DUS4L: variants seen among roughly 807,000 people sequenced by gnomAD.
DUS4L encodes tRNA-dihydrouridine(20a/20b) synthase [NAD(P)+]-like.
In DUS4L, 31 loss-of-function variants were observed where a neutral mutation model predicts 33.8. That is an observed-to-expected ratio of 0.92 (90% CI 0.69 to 1.24). The LOEUF (loss-of-function observed/expected upper bound fraction) is 1.24. DUS4L is among the 50% of genes most tolerant of loss of function. DUS4L has a pLI of 0.00. For missense variants in DUS4L, 368 were observed against 388.6 expected (o/e 0.95, Z 0.45); for synonymous variants, 103 against 120.3 (o/e 0.86, Z 0.94).
rs1263232445 is a variant in DUS4L at position 107,573,736 on chromosome 7, A to G, written c.271A>G (p.Asn91Asp). 6 of 1,610,374 alleles carry G rather than the reference A, an allele frequency of 3.7e-6. No individual in the cohort carries two copies. Among genetic ancestry groups the G allele is most frequent in the Non-Finnish European group, 5.1e-6 (6 of 1,178,576 alleles). ...CCCATTGATTGTTCAGTTTGCTGCT[A>G]ACGATGCAAGACTTTTATCTGATGC... ...DCPLIVQFAA[N>D]DARLLSDAAR... Residue 91 changes from asparagine (N) to aspartate (D), a missense_variant, in exon 5 of 8, where the codon AAC becomes GAC. Transcript: ENST00000265720.
Position 107,571,226 on chromosome 7 carries a change from A to T in DUS4L, c.198A>T (p.Lys66Asn), listed in dbSNP as rs1408954622. 1.2e-6 allele frequency: 2 copies of T among 1,612,454 alleles called. No homozygotes were observed. Among genetic ancestry groups the T allele is most frequent in the South Asian group, 2.2e-5 (2 of 90,586 alleles). ...TPMIVAADFV[K>N]SIKARDSEFT... The stretch of plus-strand genomic sequence containing the variant: ...TGATTGTTGCCGCTGATTTTGTCAA[A>T]TCTATAAAAGCCAGAGACAGCGAAT... Residue 66 changes from lysine (K) to asparagine (N), a missense_variant, in exon 4 of 8, where the codon AAA becomes AAT. Transcript: ENST00000265720.
chr7:107,577,610 C>T lies in DUS4L; in HGVS notation c.*50C>T. On this transcript the variant is annotated 3_prime_UTR_variant, in exon 8 of 8. Coordinates refer to ENST00000265720, the MANE Select transcript of DUS4L (RefSeq NM_181581.3). Reference sequence around the variant, plus strand: ...ATATACTTTTAGACCCACAGTGAAACCACAGAAGGTCATATTTTGTACCTT... The same window carrying T: ...ATATACTTTTAGACCCACAGTGAAATCACAGAAGGTCATATTTTGTACCTT... 5.1e-6 allele frequency: 8 copies of T among 1,554,746 alleles called. No homozygotes were observed. The highest frequency in any genetic ancestry group is 7.0e-6 in the Non-Finnish European group (8 of 1,147,486).
Position 107,567,242 on chromosome 7 carries a change from A to G in DUS4L, c.116+56A>G, listed in dbSNP as rs528209740. ...GATGAAATTTCCCTTTTATGCTCTG[A>G]CTTTTTAAAAGTACTGTAAGACCAC... is the stretch of plus-strand genomic sequence containing the variant. On this transcript the variant is annotated intron_variant, in intron 3 of 7. Transcript: ENST00000265720. 1.8e-5 allele frequency: 27 copies of G among 1,508,456 alleles called. No homozygotes were observed. In the East Asian group the frequency reaches 5.6e-4, roughly 31 times the overall value. 93.4% of individuals were successfully genotyped at this position (1,508,456 alleles called of 1,614,324 possible).
At chr7:107,565,388 A>G (rs1804551057) in intron 2 of DUS4L, among the ~76,000 whole-genome samples, 1 of 152,166 alleles carries the variant, frequency 6.6e-6, no homozygotes, top group Non-Finnish European at 1.5e-5. Context: ...TCACCTGAAG[A>G]GCTTTAATAA....
chr7:107,569,800 G>GT (rs1386260918), intron 3 of DUS4L, among the ~76,000 whole-genome samples: 1 of 152,148 alleles, frequency 6.6e-6, no homozygotes, highest in Non-Finnish European at 1.5e-5. Context: ...GTTGGTTCTA[G>GT]TTTTTTTGTA....
chr7:107,573,785 C>A lies in DUS4L; in HGVS notation c.320C>A (p.Ala107Glu), dbSNP rs1265457846. The A allele has an allele frequency of 1.9e-6, 3 of 1,599,568 alleles. No homozygotes were observed. The highest frequency in any genetic ancestry group is 1.3e-5 in the African/African-American group (1 of 74,222). The change falls in exon 5 of 8, where the codon GCG becomes GAG. Residue 107 changes from alanine to glutamate, a missense_variant. Physicochemically the swap from Ala to Glu is moderately radical, Grantham distance 107. Transcript: ENST00000265720. Reference sequence around the variant, plus strand: ...GCTGCTCGTATAGTCTGTCCTTATGCGAATGGAATAGACATTAACTGTGGT... The same window carrying A: ...GCTGCTCGTATAGTCTGTCCTTATGAGAATGGAATAGACATTAACTGTGGT... ...SDAARIVCPY[A>E]NGIDINCGCP...
At position 107,577,336 on chromosome 7, in the gene DUS4L, T is replaced by A; in HGVS notation, c.730T>A (p.Leu244Ile). 6.2e-7 allele frequency: 1 copy of A among 1,614,144 alleles called. No individual in the cohort carries two copies. Among genetic ancestry groups the A allele is most frequent in the South Asian group, 1.1e-5 (1 of 91,082 alleles). ...TDGVMVARGL[L>I]ANPAMFAGYE... is the part of the protein sequence containing the mutation. ...AGGTGTGATGGTTGCAAGAGGACTC[T>A]TAGCAAACCCGGCCATGTTTGCTGG... The change falls in exon 8 of 8, where the codon TTA (leucine) becomes ATA (isoleucine). Residue 244 changes from leucine to isoleucine, a missense_variant. Coordinates refer to ENST00000265720, the MANE Select transcript of DUS4L (RefSeq NM_181581.3).
intron 2 of DUS4L, among the ~76,000 whole-genome samples, 185 bp downstream of exon 2, chr7:107,564,861 C>G (rs547169457): frequency 6.6e-6 from 1 of 152,310 alleles, no homozygotes; most frequent in South Asian, 2.1e-4. Flanking sequence ...GGTATGTATC[C>G]AGGAAACCAA....
At chr7:107,576,631 G>A (rs781096188) in intron 7 of DUS4L, 39 bp downstream of exon 7, 2 of 1,349,806 alleles carry the variant, frequency 1.5e-6, no homozygotes, top group Non-Finnish European at 2.0e-6. Flanking sequence ...ATTGGGGGGG[G>A]AAGAAATGAG....
intron 6 of DUS4L, 182 bp downstream of exon 6, chr7:107,575,492 T>TAGTATAG: frequency 3.5e-6 from 2 of 570,278 alleles, no homozygotes; most frequent in Non-Finnish European, 5.3e-6. Context: ...TTTATAGTCC[T>TAGTATAG]GAAAAACTTC....
chr7:107,565,620 C>T (rs2129187059), intron 2 of DUS4L, among the ~76,000 whole-genome samples: 1 of 152,248 alleles, frequency 6.6e-6, no homozygotes, highest in African/African-American at 2.4e-5. Flanking sequence ...ACCTCCTGGG[C>T]TCAAGGGATC....
rs1439255343 is a variant in DUS4L at position 107,571,293 on chromosome 7, T to C, written c.238+27T>C. On this transcript the variant is annotated intron_variant, in intron 4 of 7. Coordinates refer to ENST00000265720, the MANE Select transcript of DUS4L (RefSeq NM_181581.3). ...TATGTGAAACCGAGTGTACTGACTT[T>C]GTAAAACTTTTTAAATTTGTTTACA... 9 of 1,583,162 alleles carry C rather than the reference T, an allele frequency of 5.7e-6. No homozygotes were observed. In the Admixed American group the frequency reaches 1.4e-4, roughly 25 times the overall value.
At chr7:107,573,936 C>A in intron 5 of DUS4L, 115 bp downstream of exon 5, 3 of 1,304,462 alleles carry the variant, frequency 2.3e-6, no homozygotes, top group South Asian at 2.4e-5. Flanking sequence ...GAGTTACAGT[C>A]CCAGGGCTCA....
chr7:107,563,991 G>A lies in DUS4L; in HGVS notation c.-329G>A, dbSNP rs1470151963. 2 of 1,555,928 alleles carry A rather than the reference G, an allele frequency of 1.3e-6. No individual in the cohort carries two copies. The highest frequency in any genetic ancestry group is 1.7e-6 in the Non-Finnish European group (2 of 1,151,214). On this transcript the variant is annotated 5_prime_UTR_variant, in exon 1 of 8. Transcript: ENST00000265720. ...GCGCCGCCCGCCCACCCAGCCCATG[G>A]CTCCAGGCCCACCTGGCGAACTGAC...
intron 3 of DUS4L, among the ~76,000 whole-genome samples, chr7:107,569,106 G>A (rs1804969144): frequency 6.6e-6 from 1 of 152,216 alleles, no homozygotes; most frequent in South Asian, 2.1e-4. Flanking sequence ...GGGAGGCTGA[G>A]GCAGGAAAAT....
intron 3 of DUS4L, among the ~76,000 whole-genome samples, chr7:107,567,432 A>G (rs915326126): frequency 1.3e-5 from 2 of 152,138 alleles, no homozygotes; most frequent in Non-Finnish European, 2.9e-5. Context: ...ACTCCTACCT[A>G]TAAGTATATA....
At chr7:107,574,346 CTT>C (rs761005292) in intron 5 of DUS4L, among the ~76,000 whole-genome samples, 38 of 125,934 alleles carry the variant, frequency 3.0e-4, no homozygotes, top group Non-Finnish European at 3.1e-4. Flanking sequence ...AATAATATTT[CTT>C]TTTTTTTTTT....
intron 3 of DUS4L, among the ~76,000 whole-genome samples, chr7:107,568,140 T>C (rs1804883879): frequency 6.6e-6 from 1 of 152,206 alleles, no homozygotes; most frequent in South Asian, 2.1e-4. Context: ...CATATACAAA[T>C]ACCCATGGTT....
In DUS4L at chr7:107,576,475, G is replaced by A. The variant is rs1563117098; in HGVS notation, c.589G>A (p.Val197Met). 1.9e-6 allele frequency: 3 copies of A among 1,612,380 alleles called. No individual in the cohort carries two copies. Among genetic ancestry groups the A allele is most frequent in the Admixed American group, 3.4e-5 (2 of 59,540 alleles). Reference sequence around the variant, plus strand: ...AACTGCTGAAGAAAGACATCAGCCAGTGCACTATGATTCCATTAAAATAAT... The same window carrying A: ...AACTGCTGAAGAAAGACATCAGCCAATGCACTATGATTCCATTAAAATAAT... ...GRTAEERHQP[V>M]HYDSIKIIKE... is the part of the protein sequence containing the mutation. The change falls in exon 7 of 8, where the codon GTG (valine) becomes ATG (methionine). Residue 197 changes from valine to methionine, a missense_variant. Physicochemically the swap from Val to Met is conservative, Grantham distance 21. Coordinates refer to ENST00000265720, the MANE Select transcript of DUS4L (RefSeq NM_181581.3).
Sources: gnomAD v4.1 joint callset for allele counts (sites outside exome capture counted in the v4.1 genomes callset) on GRCh38, gnomAD v4.1.1 for gene constraint, MANE v1.5 for transcripts, NCBI Gene and HGNC (gene_info 2026-07-23, HGNC 2026-07-21) for gene names.